RIT1: variants seen among roughly 807,000 people sequenced by gnomAD.
The protein encoded by RIT1 is GTP-binding protein Rit1.
In RIT1, 6 loss-of-function variants were observed where a neutral mutation model predicts 25.6. The observed-to-expected ratio is 0.23, with a 90% CI of 0.13 to 0.46. The LOEUF (loss-of-function observed/expected upper bound fraction) is 0.46. Ranked by LOEUF, RIT1 falls within the 20% of genes least tolerant of loss-of-function variation. The probability of loss-of-function intolerance (pLI) is 0.99; values close to 1 mark genes in which losing one functional copy is unlikely to be tolerated. For missense variants in RIT1, 219 were observed against 284.4 expected, an observed-to-expected ratio of 0.77 and a Z score of 1.65; for synonymous variants, 81 against 94.1, an observed-to-expected ratio of 0.86 and a Z score of 0.80.
intron 3 of RIT1, among the ~76,000 whole-genome samples, chr1:155,907,783 G>T (rs763218765): frequency 1.3e-5 from 2 of 152,204 alleles, no homozygotes; most frequent in African/African-American, 4.8e-5. Flanking sequence ...GTTAACTGGA[G>T]GAAAATTGAT....
intron 3 of RIT1, among the ~76,000 whole-genome samples, chr1:155,908,409 G>A (rs1054545028): frequency 2.0e-5 from 3 of 148,936 alleles, no homozygotes; most frequent in South Asian, 4.3e-4. Context: ...GAGCCAAGAC[G>A]GCGCCACTGC....
chr1:155,904,220 A>T, intron 5 of RIT1, 91 bp downstream of exon 5: 1 of 1,048,718 alleles, frequency 9.5e-7, no homozygotes, highest in Non-Finnish European at 1.4e-6. Flanking sequence ...AGGCAAAAAA[A>T]TCTGTAAGCC....
intron 5 of RIT1, among the ~76,000 whole-genome samples, chr1:155,903,757 C>T (rs1371390996): frequency 6.6e-6 from 1 of 152,152 alleles, no homozygotes; most frequent in African/African-American, 2.4e-5. Flanking sequence ...ACTTGTAATC[C>T]CAACACTTTG....
intron 1 of RIT1, chr1:155,911,025 T>A: frequency 4.9e-6 from 5 of 1,017,866 alleles, no homozygotes; most frequent in Non-Finnish European, 7.3e-6. Flanking sequence ...CAGGTTTTAC[T>A]TTTTCCAAAG....
At chr1:155,904,830 A>G (rs769284221) in intron 3 of RIT1, 26 bp from the exon 4 acceptor site, 3 of 1,470,186 alleles carry the variant, frequency 2.0e-6, no homozygotes, top group Non-Finnish European at 2.9e-6. Context: ...AAGGTGTACT[A>G]TAAAGTCATA....
Position 155,899,176 on chromosome 1 carries a change from C to T in RIT1, c.*1212G>A, listed in dbSNP as rs981465919. On this transcript the variant is annotated 3_prime_UTR_variant, in exon 6 of 6. Transcript: ENST00000368323. The stretch of plus-strand genomic sequence containing the variant: ...AGGACTACAGTTCCTAAACTATGCA[C>T]AGGGAGCAAAGTGGTATTCCCTTAG... 6 of 207,692 alleles carry T rather than the reference C, an allele frequency of 2.9e-5. No individual in the cohort carries two copies. The highest frequency in any genetic ancestry group is 4.9e-5 in the Non-Finnish European group (5 of 101,666). 12.9% of individuals were successfully genotyped at this position (207,692 alleles called of 1,614,324 possible).
chr1:155,903,214 T>C (rs1372549541), intron 5 of RIT1, among the ~76,000 whole-genome samples: 10 of 151,686 alleles, frequency 6.6e-5, no homozygotes. Flanking sequence ...AAGAATGGCA[T>C]GAACCTGGGA....
At chr1:155,907,568 A>T (rs956225775) in intron 3 of RIT1, among the ~76,000 whole-genome samples, 1 of 152,162 alleles carries the variant, frequency 6.6e-6, no homozygotes, top group East Asian at 1.9e-4. Context: ...GTATGCTTTT[A>T]TATCTCTACC....
chr1:155,910,627 C>T (rs1420610756), intron 2 of RIT1, 29 bp downstream of exon 2: 1 of 1,611,660 alleles, frequency 6.2e-7, no homozygotes, highest in African/African-American at 1.3e-5. Flanking sequence ...TTCATCCATG[C>T]TTCCTGTCAA....
chr1:155,900,818 T>C (rs1187865399), intron 5 of RIT1, among the ~76,000 whole-genome samples, 200 bp from the exon 6 acceptor site: 3 of 152,336 alleles, frequency 2.0e-5, no homozygotes, highest in Non-Finnish European at 4.4e-5. Context: ...ATTCTATTTC[T>C]AGTCTACTTT....
chr1:155,908,562 A>ATTTTTT (rs397745289), intron 3 of RIT1, among the ~76,000 whole-genome samples: 2 of 139,982 alleles, frequency 1.4e-5, no homozygotes, highest in South Asian at 4.6e-4. Context: ...TCTCTGAACA[A>ATTTTTT]TTTTTTTTTT....
chr1:155,910,203 A>ATGTG (rs1673561662), intron 3 of RIT1: 1 of 495,256 alleles, frequency 2.0e-6, no homozygotes, highest in African/African-American at 2.0e-5. Context: ...AACCATAAAA[A>ATGTG]AATACAACAA....
chr1:155,909,491 G>C (rs1673536323), intron 3 of RIT1, among the ~76,000 whole-genome samples: 1 of 152,036 alleles, frequency 6.6e-6, no homozygotes, highest in African/African-American at 2.4e-5. Flanking sequence ...AATCAAACCT[G>C]CTTCCTTATG....
intron 3 of RIT1, among the ~76,000 whole-genome samples, chr1:155,907,433 G>C (rs1474505851): frequency 6.6e-6 from 1 of 152,048 alleles, no homozygotes; most frequent in Non-Finnish European, 1.5e-5. Context: ...AGTAGAGATG[G>C]GGTTTTACCA....
At chr1:155,909,921 C>CA (rs375935351) in intron 3 of RIT1, among the ~76,000 whole-genome samples, 1,356 of 108,612 alleles carry the variant, frequency 0.012, 64 homozygotes, top group African/African-American at 0.022. Flanking sequence ...GACTCCATCT[C>CA]AAAAAAAAAA....
At position 155,898,515 on chromosome 1, in the gene RIT1, AAAAATATAT is replaced by A. The variant is rs1378071408; in HGVS notation, c.*1864_*1872del. On this transcript the variant is annotated 3_prime_UTR_variant, in exon 6 of 6. Transcript: ENST00000368323. ...TTTAAAAAAAAAAAAAAAAAAAAAA[AAAAATATAT>A]ATATATATATATATATATATCTCTT... is the stretch of plus-strand genomic sequence containing the variant. 2 of 105,622 alleles carry A rather than the reference AAAAATATAT, an allele frequency of 1.9e-5. No individual in the cohort carries two copies. Among genetic ancestry groups the A allele is most frequent in the Non-Finnish European group, 1.8e-5 (1 of 54,392 alleles). The allele number at this position is 105,622 out of a possible 1,614,324, so 6.5% of individuals were successfully genotyped here. A position where few individuals can be genotyped will look rare whatever the true frequency, so the allele number is the denominator to read the frequency against.
Position 155,900,518 on chromosome 1 carries a change from G to T in RIT1, c.530C>A (p.Ala177Asp). Residue 177 changes from alanine (A) to aspartate (D), a missense_variant, in exon 6 of 6, where the codon GCC (alanine) becomes GAC (aspartate). Ala to Asp is a moderately radical substitution (Grantham distance 126). Coordinates refer to ENST00000368323, the MANE Select transcript of RIT1 (RefSeq NM_006912.6). ...TTTCCTACGTATCTCCCGTACAAGG[G>T]CATGGAAAACATCATCAATATAGTA... Reference protein sequence around the residue: ...YRYYIDDVFHALVREIRRKEK... With the variant: ...YRYYIDDVFHDLVREIRRKEK... 6.2e-7 allele frequency: 1 copy of T among 1,614,072 alleles called. No homozygotes were observed. Among genetic ancestry groups the T allele is most frequent in the Non-Finnish European group, 8.5e-7 (1 of 1,179,996 alleles).
rs1354361068 is a variant in RIT1 at position 155,904,437 on chromosome 1, A to G, written c.303T>C (p.Ser101=). 6.2e-7 allele frequency: 1 copy of G among 1,614,138 alleles called. No individual in the cohort carries two copies. Among genetic ancestry groups the G allele is most frequent in the South Asian group, 1.1e-5 (1 of 91,086 alleles). The change falls in exon 5 of 6, where the codon TCT becomes TCC. Residue 101 remains serine, a synonymous_variant. Coordinates refer to ENST00000368323, the MANE Select transcript of RIT1 (RefSeq NM_006912.6). The stretch of plus-strand genomic sequence containing the variant: ...CATGGAAACTTCGACGATCCGTGAT[A>G]GAGTAACAGATGATAAACCCTTCTC... ...RAGEGFIICY[S]ITDRRSFHEV... is the part of the protein sequence containing the mutation.
Position 155,911,231 on chromosome 1 carries a change from C to G in RIT1, c.-44+12G>C. On this transcript the variant is annotated intron_variant, in intron 1 of 5. Transcript: ENST00000368323. The stretch of plus-strand genomic sequence containing the variant: ...AGCTGCTGCTCCGCCGCCAGACTCC[C>G]CACCCCTCTACCTCACAAGCCGACG... The G allele has an allele frequency of 2.5e-6, 1 of 407,508 alleles. No individual in the cohort carries two copies. The highest frequency in any genetic ancestry group is 4.5e-6 in the Non-Finnish European group (1 of 222,934). 25.2% of individuals were successfully genotyped at this position (407,508 alleles called of 1,614,324 possible).
Sources: allele counts gnomAD v4.1 joint callset (sites outside exome capture counted in the v4.1 genomes callset), GRCh38; gene constraint gnomAD v4.1.1; transcripts MANE v1.5; gene names NCBI Gene and HGNC (gene_info 2026-07-23, HGNC 2026-07-21).